Variants in CAMK2D observed in about 807,000 individuals in gnomAD.
CAMK2D encodes calcium/calmodulin dependent protein kinase II delta.
A neutral mutation model predicts 84.0 loss-of-function variants in CAMK2D; 37 were observed. That is an observed-to-expected ratio of 0.44 (90% CI 0.34 to 0.58). The LOEUF is 0.58. Ranked by LOEUF, CAMK2D falls within the 20% of genes least tolerant of loss-of-function variation. The pLI, the probability that CAMK2D is intolerant of heterozygous loss-of-function variation, is 0.02. For missense variants in CAMK2D, 448 were observed against 652.5 expected (o/e 0.69, Z 3.41); for synonymous variants, 202 against 212.5 (o/e 0.95, Z 0.43).
In CAMK2D at chr4:113,616,378, C is replaced by T. The variant is rs1177968321; in HGVS notation, c.221-7172G>A. ...CTTATTCCCAAATCCTCACCCCACT[C>T]CTGATTCAAGATTAAAAGCCAAGTT... On this transcript the variant is annotated intron_variant, in intron 3 of 20. Coordinates refer to ENST00000511664, the MANE Select transcript of CAMK2D (RefSeq NM_001321571.2). Among the ~76,000 whole-genome samples, 3 of 152,152 alleles carry T rather than the reference C, an allele frequency of 2.0e-5. No individual in the cohort carries two copies. In the East Asian group the frequency reaches 5.8e-4, roughly 29 times the overall value.
intron 4 of CAMK2D, among the ~76,000 whole-genome samples, chr4:113,575,828 G>A (rs889898923): frequency 3.3e-5 from 5 of 152,086 alleles, no homozygotes; most frequent in African/African-American, 1.2e-4. Flanking sequence ...AGTCTTTGTG[G>A]AATAAAGTGC....
chr4:113,752,432 ATT>A (rs1278871426), intron 2 of CAMK2D, among the ~76,000 whole-genome samples: 1 of 152,056 alleles, frequency 6.6e-6, no homozygotes, highest in Non-Finnish European at 1.5e-5. Flanking sequence ...ACAATTTTAT[ATT>A]TTTCTTTAAA....
At position 113,588,662 on chromosome 4, in the gene CAMK2D, CTT is replaced by C. The variant is rs1365628824; in HGVS notation, c.275+20488_275+20489del. ...AAACCTAAAACATTCACTTACAACT[CTT>C]TAAACCCTTTGCAAAACAATGCTAT... On this transcript the variant is annotated intron_variant, in intron 4 of 20. Coordinates refer to ENST00000511664, the MANE Select transcript of CAMK2D (RefSeq NM_001321571.2). Among the ~76,000 whole-genome samples the C allele has an allele frequency of 2.0e-5, 3 of 152,162 alleles. No individual in the cohort carries two copies. The East Asian group carries it at 5.8e-4, about 29-fold the overall frequency.
At position 113,703,834 on chromosome 4, in the gene CAMK2D, A is replaced by G. The variant is rs536787170; in HGVS notation, c.161-42062T>C. ...ATCTTTCATGATGAATGGATGATCT[A>G]TTTTATAGAAAGCACAAAATGGAGG... On this transcript the variant is annotated intron_variant, in intron 2 of 20. Coordinates refer to ENST00000511664, the MANE Select transcript of CAMK2D (RefSeq NM_001321571.2). Among the ~76,000 whole-genome samples the G allele has an allele frequency of 2.0e-5, 3 of 151,714 alleles. No individual in the cohort carries two copies. In the South Asian group the frequency reaches 6.3e-4, roughly 32 times the overall value.
intron 2 of CAMK2D, among the ~76,000 whole-genome samples, chr4:113,721,514 C>T (rs1396857711): frequency 6.6e-6 from 1 of 152,184 alleles, no homozygotes; most frequent in Non-Finnish European, 1.5e-5. Flanking sequence ...CATCTCCAGA[C>T]CCTCGTTTCC....
intron 20 of CAMK2D, among the ~76,000 whole-genome samples, chr4:113,454,950 T>C (rs948804000): frequency 6.6e-6 from 1 of 152,208 alleles, no homozygotes; most frequent in Non-Finnish European, 1.5e-5. Flanking sequence ...GAAGTCAATT[T>C]AACAAGGAAT....
chr4:113,761,703 G>T lies in CAMK2D; in HGVS notation c.-635C>A. ...CTTGGCGGCCTCGCGCTGCTCACGA[G>T]CCCGCGCGGCTTCAAGACGGCGCGG... On this transcript the variant is annotated 5_prime_UTR_variant, in exon 1 of 21. Coordinates refer to ENST00000511664, the MANE Select transcript of CAMK2D (RefSeq NM_001321571.2). The T allele has an allele frequency of 1.0e-6, 1 of 964,142 alleles. No individual in the cohort carries two copies. Among genetic ancestry groups the T allele is most frequent in the Non-Finnish European group, 1.2e-6 (1 of 810,624 alleles). 59.7% of individuals were successfully genotyped at this position (964,142 alleles called of 1,614,324 possible). A position where few individuals can be genotyped will look rare whatever the true frequency, so the allele number is the denominator to read the frequency against.
chr4:113,588,515 C>G (rs2098844258), intron 4 of CAMK2D, among the ~76,000 whole-genome samples: 1 of 152,134 alleles, frequency 6.6e-6, no homozygotes, highest in Non-Finnish European at 1.5e-5. Context: ...AACCAAATCT[C>G]TAGTTTTAGT....
At chr4:113,600,021 T>C (rs991142732) in intron 4 of CAMK2D, among the ~76,000 whole-genome samples, 1 of 152,132 alleles carries the variant, frequency 6.6e-6, no homozygotes, top group East Asian at 1.9e-4. Context: ...TATTACTAAG[T>C]GAAAGAAATC....
At chr4:113,656,498 C>T (rs2099201209) in intron 3 of CAMK2D, among the ~76,000 whole-genome samples, 1 of 152,152 alleles carries the variant, frequency 6.6e-6, no homozygotes, top group South Asian at 2.1e-4. Context: ...CCATTTTACA[C>T]ATAGCAGACA....
chr4:113,462,312 C>G (rs77197180), intron 17 of CAMK2D, among the ~76,000 whole-genome samples: 4,067 of 106,142 alleles, frequency 0.038, 133 homozygotes, highest in South Asian at 0.14. Flanking sequence ...GTCTGTCTGT[C>G]TGTCTGTCTG....
intron 4 of CAMK2D, 35 bp from the exon 5 acceptor site, chr4:113,552,131 G>T: frequency 8.3e-7 from 1 of 1,201,556 alleles, no homozygotes; most frequent in Non-Finnish European, 1.2e-6. Flanking sequence ...CTTTTAAAAA[G>T]AAGCAAAAAA....
chr4:113,611,394 C>T (rs1026374945), intron 3 of CAMK2D, among the ~76,000 whole-genome samples: 6 of 152,100 alleles, frequency 3.9e-5, no homozygotes, highest in Admixed American at 1.3e-4. Context: ...TCTTAAAGAA[C>T]TCATAACAAT....
intron 8 of CAMK2D, among the ~76,000 whole-genome samples, chr4:113,519,699 A>T (rs1590624022): frequency 6.6e-6 from 1 of 152,128 alleles, no homozygotes; most frequent in Non-Finnish European, 1.5e-5. Flanking sequence ...CAAGTATGAG[A>T]CTCATGGCAT....
intron 6 of CAMK2D, among the ~76,000 whole-genome samples, chr4:113,547,439 T>G (rs545664703): frequency 3.0e-4 from 46 of 152,332 alleles, no homozygotes; most frequent in Non-Finnish European, 5.9e-4. Context: ...GTTATTTCTA[T>G]CTGGATAAAT....
At chr4:113,506,516 A>G (rs1224702938) in intron 13 of CAMK2D, among the ~76,000 whole-genome samples, 1 of 152,142 alleles carries the variant, frequency 6.6e-6, no homozygotes, top group Non-Finnish European at 1.5e-5. Context: ...AGCCAAAGAG[A>G]TAAGAGGTAA....
At chr4:113,470,379 C>T (rs914429250) in intron 16 of CAMK2D, among the ~76,000 whole-genome samples, 3 of 152,176 alleles carry the variant, frequency 2.0e-5, no homozygotes, top group Admixed American at 1.3e-4. Flanking sequence ...GGCGCGGTGG[C>T]TCATGCCTGT....
chr4:113,619,122 T>C (rs2099034255), intron 3 of CAMK2D, among the ~76,000 whole-genome samples: 1 of 151,116 alleles, frequency 6.6e-6, no homozygotes, highest in African/African-American at 2.5e-5. Flanking sequence ...ATCTTTCCAG[T>C]TGCTCATAAA....
intron 2 of CAMK2D, among the ~76,000 whole-genome samples, chr4:113,664,726 G>C (rs1481483364): frequency 6.6e-6 from 1 of 151,870 alleles, no homozygotes; most frequent in Non-Finnish European, 1.5e-5. Flanking sequence ...ACCTAGGCTG[G>C]CCCAATTTCA....
Sources: gnomAD v4.1 joint callset for allele counts (sites outside exome capture counted in the v4.1 genomes callset) on GRCh38, gnomAD v4.1.1 for gene constraint, MANE v1.5 for transcripts, NCBI Gene and HGNC (gene_info 2026-07-23, HGNC 2026-07-21) for gene names.